The following DDX50 variants were observed in gnomAD, a reference collection of about 807,000 sequenced individuals.
DDX50 encodes the protein ATP-dependent RNA helicase DDX50.
A neutral mutation model predicts 94.8 loss-of-function variants in DDX50; 56 were observed. That is an observed-to-expected ratio of 0.59 (90% CI 0.48 to 0.74). The LOEUF (loss-of-function observed/expected upper bound fraction) is 0.74. Among genes scored for constraint, DDX50 ranks in the 30% least tolerant of loss-of-function variants. The pLI is 0.00. For missense variants in DDX50, 713 were observed against 881.2 expected, an observed-to-expected ratio of 0.81 and a Z score of 2.42; for synonymous variants, 264 against 295.4, an observed-to-expected ratio of 0.89 and a Z score of 1.09.
Position 68,911,095 on chromosome 10 carries a change from T to C in DDX50, c.488T>C (p.Ile163Thr). ...KGRGVTYLFP[I>T]QVKTFGPVYE... ...CGAGGGGTAACATATCTCTTTCCTA[T>C]TCAAGTTAAGACCTTTGGTCCTGTA... The change falls in exon 4 of 15, where the codon ATT becomes ACT. Residue 163 changes from isoleucine (I) to threonine (T), a missense_variant. Physicochemically the swap from Ile to Thr is moderately conservative, Grantham distance 89 (BLOSUM62 -1). Around this residue, in one of 2 missense-constraint regions of DDX50, gnomAD observed 285 missense variants for 278.9 expected, o/e 1.02. Transcript: ENST00000373585. 1 of 1,566,104 alleles carries C rather than the reference T, an allele frequency of 6.4e-7. No individual in the cohort carries two copies. The highest frequency in any genetic ancestry group is 8.6e-7 in the Non-Finnish European group (1 of 1,159,376).
At chr10:68,924,493 G>A (rs965191827) in intron 8 of DDX50, among the ~76,000 whole-genome samples, 3 of 152,020 alleles carry the variant, frequency 2.0e-5, no homozygotes, top group Non-Finnish European at 4.4e-5. Context: ...CTTTCTGTGA[G>A]ATTTGACTGT....
chr10:68,943,110 GA>G, intron 13 of DDX50, 102 bp from the exon 14 acceptor site: 1 of 1,017,802 alleles, frequency 9.8e-7, no homozygotes, highest in Non-Finnish European at 1.5e-6. Flanking sequence ...TTTAAATTTA[GA>G]AAATACATTA....
chr10:68,936,504 AAAAAAAAAAAAATATATATATAT>A (rs1842413534), intron 11 of DDX50, among the ~76,000 whole-genome samples: 1 of 47,752 alleles, frequency 2.1e-5, no homozygotes, highest in African/African-American at 8.6e-5. Context: ...AAAAAAAAAA[AAAAAAAAAAAAATATATATATAT>A]ATATATATAT....
In DDX50 at chr10:68,906,695, CTTT is replaced by C. The variant is rs749003202; in HGVS notation, c.88-15_88-13del. The C allele has an allele frequency of 3.8e-6, 6 of 1,594,388 alleles. No individual in the cohort carries two copies. The highest frequency in any genetic ancestry group is 5.1e-6 in the Non-Finnish European group (6 of 1,175,594). On this transcript the variant is annotated splice_polypyrimidine_tract_variant and intron_variant, in intron 1 of 14. Transcript: ENST00000373585. ...ACCTCTGACCATCTTGTCATTGCTT[CTTT>C]GTTTGTTCACAGAGTGACAGAAGGA...
chr10:68,933,043 T>C (rs1015238721), intron 8 of DDX50, among the ~76,000 whole-genome samples: 1 of 145,630 alleles, frequency 6.9e-6, no homozygotes, highest in African/African-American at 2.6e-5. Context: ...GTTACAAAGT[T>C]GTTCATTGCA....
intron 13 of DDX50, among the ~76,000 whole-genome samples, chr10:68,942,754 C>T (rs1842582124): frequency 6.6e-6 from 1 of 152,086 alleles, no homozygotes; most frequent in Non-Finnish European, 1.5e-5. Flanking sequence ...GCTGGGACTA[C>T]AGTCATGCAT....
At chr10:68,935,842 A>G (rs914200679) in intron 10 of DDX50, among the ~76,000 whole-genome samples, 164 bp from the exon 11 acceptor site, 1 of 152,188 alleles carries the variant, frequency 6.6e-6, no homozygotes, top group Admixed American at 6.5e-5. Flanking sequence ...GTCAAAACAA[A>G]AACAAAAACA....
chr10:68,920,593 A>C (rs868487582), intron 8 of DDX50, among the ~76,000 whole-genome samples: 2 of 152,130 alleles, frequency 1.3e-5, no homozygotes, highest in Middle Eastern at 3.2e-3. Flanking sequence ...ACAAAACTAC[A>C]AATTTTTATT....
intron 2 of DDX50, 110 bp from the exon 3 acceptor site, chr10:68,910,197 A>T (rs537162292): frequency 1.6e-4 from 157 of 997,704 alleles, no homozygotes; most frequent in Non-Finnish European, 1.6e-4. Context: ...AAAAAAAAAA[A>T]AAAAGTGTTC....
intron 8 of DDX50, among the ~76,000 whole-genome samples, chr10:68,928,104 C>A (rs1222281486): frequency 6.6e-6 from 1 of 151,970 alleles, no homozygotes; most frequent in Admixed American, 6.6e-5. Flanking sequence ...TTTCTTGAGG[C>A]CAGGCATTCA....
At chr10:68,945,401 GGTTCAAGCAATTCTCCTGCGTCA>G (rs1842648522) in intron 14 of DDX50, among the ~76,000 whole-genome samples, 1 of 151,946 alleles carries the variant, frequency 6.6e-6, no homozygotes, top group Admixed American at 6.6e-5. Context: ...CTGCCTCCCA[GGTTCAAGCAATTCTCCTGCGTCA>G]GCTTCCCGAG....
intron 13 of DDX50, 46 bp from the exon 14 acceptor site, chr10:68,943,167 C>A: frequency 1.9e-6 from 3 of 1,576,370 alleles, no homozygotes; most frequent in Non-Finnish European, 2.6e-6. Context: ...AAAAAATCTA[C>A]ACATATGCAT....
Position 68,913,195 on chromosome 10 carries a change from A to C in DDX50, c.673A>C (p.Asn225His), listed in dbSNP as rs533533426. 3 of 1,611,994 alleles carry C rather than the reference A, an allele frequency of 1.9e-6. No homozygotes were observed. Among genetic ancestry groups the C allele is most frequent in the Non-Finnish European group, 2.5e-6 (3 of 1,179,592 alleles). Residue 225 changes from asparagine to histidine, a missense_variant, in exon 5 of 15, where the codon AAC becomes CAC. This residue lies in a region of DDX50 where 285 missense variants were observed against 278.9 expected (regional missense o/e 1.02). Transcript: ENST00000373585. ...TTTGGCTCCAACAAGGGAACTGGCA[A>C]ACCAAGTAGCCAAAGACTTCAAAGA... ...LVLAPTRELANQVAKDFKDIT... is the reference protein window; with the variant it reads ...LVLAPTRELAHQVAKDFKDIT...
chr10:68,943,298 C>A lies in DDX50; in HGVS notation c.1935+41C>A, dbSNP rs762653842. The stretch of plus-strand genomic sequence containing the variant: ...TATCTTTTAAATGGTTGAGTACATT[C>A]TCTAACATTTAGATTGGGATATTTT... On this transcript the variant is annotated intron_variant, in intron 14 of 14. Transcript: ENST00000373585. 7 of 1,507,200 alleles carry A rather than the reference C, an allele frequency of 4.6e-6. No homozygotes were observed. In the African/African-American group the frequency reaches 8.4e-5, roughly 18 times the overall value. 93.4% of individuals were successfully genotyped at this position (1,507,200 alleles called of 1,614,324 possible).
chr10:68,917,329 A>G (rs1322489412), intron 7 of DDX50, among the ~76,000 whole-genome samples: 2 of 151,902 alleles, frequency 1.3e-5, no homozygotes, highest in Non-Finnish European at 2.9e-5. Context: ...GCATGGTGGC[A>G]CGTGCCTGTA....
At chr10:68,937,830 CCCT>C (rs761467391) in intron 12 of DDX50, among the ~76,000 whole-genome samples, 8 of 152,254 alleles carry the variant, frequency 5.3e-5, no homozygotes, top group Non-Finnish European at 8.8e-5. Context: ...AGGTGATCTG[CCCT>C]CCTCAGCCTC....
chr10:68,927,438 C>A (rs1023826557), intron 8 of DDX50, among the ~76,000 whole-genome samples: 1 of 152,062 alleles, frequency 6.6e-6, no homozygotes, highest in Non-Finnish European at 1.5e-5. Context: ...CCTTACAGAT[C>A]TGATTCTTAC....
At position 68,911,349 on chromosome 10, in the gene DDX50, G is replaced by A. The variant is rs146152643; in HGVS notation, c.639+103G>A. The A allele has an allele frequency of 3.8e-4, 479 of 1,267,118 alleles. 1 individual carries two copies. The African/African-American group carries it at 6.6e-3, about 17-fold the overall frequency. 78.5% of individuals were successfully genotyped at this position (1,267,118 alleles called of 1,614,324 possible). A position where few individuals can be genotyped will look rare whatever the true frequency, so the allele number is the denominator to read the frequency against. Reference sequence around the variant, plus strand: ...TAGTACCCCCAAAATAGAAAAGTTAGCGCTGTGGCATAAAACAAAAATATG... The same window carrying A: ...TAGTACCCCCAAAATAGAAAAGTTAACGCTGTGGCATAAAACAAAAATATG... On this transcript the variant is annotated intron_variant, in intron 4 of 14. Transcript: ENST00000373585.
At chr10:68,932,628 C>G (rs1842301991) in intron 8 of DDX50, among the ~76,000 whole-genome samples, 1 of 151,838 alleles carries the variant, frequency 6.6e-6, no homozygotes. Flanking sequence ...ATTTATAATA[C>G]CAGGAAATTT....
Sources: allele counts gnomAD v4.1 joint callset (sites outside exome capture counted in the v4.1 genomes callset), GRCh38; gene constraint gnomAD v4.1.1; regional missense constraint gnomAD v4.1.1; transcripts MANE v1.5; gene names NCBI Gene and HGNC (gene_info 2026-07-23, HGNC 2026-07-21).